LRRIQ1: variants seen among roughly 807,000 people sequenced by gnomAD.
The protein encoded by LRRIQ1 is leucine rich repeats and IQ motif containing 1, also known as leucine-rich repeat- and IQ domain-containing protein 1.
In LRRIQ1, 210 loss-of-function variants were observed where a neutral mutation model predicts 211.9. The ratio of observed to expected loss-of-function variants is 0.99; its 90% confidence interval spans 0.89 to 1.11. The LOEUF is 1.11. Among genes scored for constraint, LRRIQ1 ranks in the 50% most tolerant of loss-of-function variants. The pLI, the probability that LRRIQ1 is intolerant of heterozygous loss-of-function variation, is 0.00. For synonymous variants in LRRIQ1, 699 were observed against 650.1 expected, an observed-to-expected ratio of 1.08 and a Z score of -1.14; for missense variants, 2,136 against 1,939.5, an observed-to-expected ratio of 1.10 and a Z score of -1.90.
intron 24 of LRRIQ1, among the ~76,000 whole-genome samples, chr12:85,163,842 T>A (rs1371570823): frequency 6.6e-6 from 1 of 152,112 alleles, no homozygotes; most frequent in African/African-American, 2.4e-5. Flanking sequence ...TTTTTCTATA[T>A]TCATAAAATG....
chr12:85,125,247 A>T (rs1592843300), intron 17 of LRRIQ1, among the ~76,000 whole-genome samples: 1 of 152,132 alleles, frequency 6.6e-6, no homozygotes, highest in East Asian at 1.9e-4. Context: ...TTGCCCATTG[A>T]TTTAATAAAC....
In LRRIQ1 at chr12:85,210,467, T is replaced by C. The variant is rs553250642; in HGVS notation, c.4823-19050T>C. ...CTTGTTTTTCCATTTTTGTTTTCTC[T>C]TTTTAAACTAAAATGTAAATGTCTT... is the stretch of plus-strand genomic sequence containing the variant. On this transcript the variant is annotated intron_variant, in intron 24 of 26. Coordinates refer to ENST00000393217, the MANE Select transcript of LRRIQ1 (RefSeq NM_001079910.2). Among the ~76,000 whole-genome samples the C allele has an allele frequency of 4.6e-5, 7 of 152,374 alleles. No homozygotes were observed. In the East Asian group the frequency reaches 7.7e-4, roughly 17 times the overall value.
At chr12:85,121,953 T>C (rs1888019261) in intron 16 of LRRIQ1, 77 bp downstream of exon 16, 1 of 1,220,800 alleles carries the variant, frequency 8.2e-7, no homozygotes, top group Admixed American at 3.1e-5. Flanking sequence ...AGTATTCTGA[T>C]TAACACAATT....
the LRRIQ1 span, among the ~76,000 whole-genome samples, chr12:85,271,036 T>C: frequency 6.6e-6 from 1 of 152,200 alleles, no homozygotes; most frequent in African/African-American, 2.4e-5. Context: ...CGGAAGACAC[T>C]CGTGTTCTAA....
intron 5 of LRRIQ1, 99 bp downstream of exon 5, chr12:85,046,236 G>A: frequency 1.5e-6 from 1 of 659,954 alleles, no homozygotes; most frequent in Non-Finnish European, 2.6e-6. Flanking sequence ...CTGATATTTA[G>A]AAAAGCAATT....
chr12:85,104,121 C>T, intron 14 of LRRIQ1, 44 bp downstream of exon 14: 1 of 1,032,536 alleles, frequency 9.7e-7, no homozygotes, highest in Non-Finnish European at 1.3e-6. Flanking sequence ...AGACTTTTGA[C>T]TTTCTGTTTC....
At position 85,055,720 on chromosome 12, in the gene LRRIQ1, G is replaced by T; in HGVS notation, c.927G>T (p.Glu309Asp). Residue 309 changes from glutamate (E) to aspartate (D), a missense_variant, in exon 8 of 27, where the codon GAG (glutamate) becomes GAT (aspartate). Transcript: ENST00000393217. ...AYQKYGPIIK[E>D]QIESKKRKAQ... ...AAAAATATGGCCCAATTATTAAAGA[G>T]CAAATTGAAAGTAAGAAAAGGAAAG... 1 of 1,606,908 alleles carries T rather than the reference G, an allele frequency of 6.2e-7. No individual in the cohort carries two copies. The highest frequency in any genetic ancestry group is 1.7e-5 in the Admixed American group (1 of 58,868).
rs377687279 is a variant in LRRIQ1, at chr12:85,177,545, A to T, written c.4822+16831A>T. Among the ~76,000 whole-genome samples the T allele has an allele frequency of 5.3e-5, 8 of 152,220 alleles. No individual in the cohort carries two copies. The East Asian group carries it at 1.5e-3, about 29-fold the overall frequency. On this transcript the variant is annotated intron_variant, in intron 24 of 26. Coordinates refer to ENST00000393217, the MANE Select transcript of LRRIQ1 (RefSeq NM_001079910.2). ...GGCATGGTCCTATTGAAAGACTTTG[A>T]AGACTAGGTTAGCCTGGGCCATTCA... is the stretch of plus-strand genomic sequence containing the variant.
intron 24 of LRRIQ1, among the ~76,000 whole-genome samples, chr12:85,187,690 T>A (rs1892288674): frequency 6.6e-6 from 1 of 151,200 alleles, no homozygotes; most frequent in Non-Finnish European, 1.5e-5. Flanking sequence ...ATGCCTGTAA[T>A]CCCAGCTACC....
chr12:85,170,400 T>A (rs1450601485), intron 24 of LRRIQ1, among the ~76,000 whole-genome samples: 2 of 151,166 alleles, frequency 1.3e-5, no homozygotes. Context: ...AAACGTGTTC[T>A]TAACAAAATA....
chr12:85,141,466 A>G (rs1272881012), intron 19 of LRRIQ1, among the ~76,000 whole-genome samples: 2 of 151,190 alleles, frequency 1.3e-5, no homozygotes, highest in Non-Finnish European at 3.0e-5. Context: ...AGGCTAGTTG[A>G]ATTATTGTAT....
chr12:85,251,819 T>C (rs1895953563), intron 1 of LRRIQ1, among the ~76,000 whole-genome samples: 1 of 150,286 alleles, frequency 6.7e-6, no homozygotes, highest in East Asian at 1.9e-4. Context: ...AGATTCCTTC[T>C]AGCTTTCAAA....
intron 1 of LRRIQ1, among the ~76,000 whole-genome samples, chr12:85,251,120 T>C (rs75102353): frequency 0.018 from 2,641 of 148,306 alleles, 77 homozygotes; most frequent in African/African-American, 0.063. Context: ...GGACTCAATT[T>C]TCTTCTCTTT....
chr12:85,178,335 A>G (rs1891818028), intron 24 of LRRIQ1, among the ~76,000 whole-genome samples: 1 of 151,392 alleles, frequency 6.6e-6, no homozygotes, highest in Non-Finnish European at 1.5e-5. Context: ...ATATTATTCC[A>G]CCTCCTCCTC....
chr12:85,209,544 A>G (rs1410022757), intron 24 of LRRIQ1, among the ~76,000 whole-genome samples: 1 of 152,238 alleles, frequency 6.6e-6, no homozygotes, highest in African/African-American at 2.4e-5. Flanking sequence ...TTTATTTTAA[A>G]AAAATGCATT....
At chr12:85,217,235 C>CACATT (rs1311111639) in intron 24 of LRRIQ1, among the ~76,000 whole-genome samples, 2 of 150,710 alleles carry the variant, frequency 1.3e-5, no homozygotes, top group Non-Finnish European at 3.0e-5. Flanking sequence ...GTGCTATAAG[C>CACATT]ATTTCTGTTA....
exon 2 of LRRIQ1, chr12:85,263,021 A>C: frequency 1.0e-6 from 1 of 988,004 alleles, no homozygotes. Flanking sequence ...TCAGTGGTGG[A>C]TGGGGAAGTG....
chr12:85,153,498 A>C (rs1278862638), intron 21 of LRRIQ1, among the ~76,000 whole-genome samples, 165 bp from the exon 22 acceptor site: 1 of 151,566 alleles, frequency 6.6e-6, no homozygotes, highest in Admixed American at 6.6e-5. Flanking sequence ...ATTGAAATGT[A>C]AACATTTTAA....
At chr12:85,058,473 G>A (rs1881394366) in intron 8 of LRRIQ1, among the ~76,000 whole-genome samples, 1 of 151,934 alleles carries the variant, frequency 6.6e-6, no homozygotes, top group Non-Finnish European at 1.5e-5. Flanking sequence ...AGCTAGGCAA[G>A]AGTGATGGCT....
Sources: allele counts gnomAD v4.1 joint callset (sites outside exome capture counted in the v4.1 genomes callset), GRCh38; gene constraint gnomAD v4.1.1; transcripts MANE v1.5; gene names NCBI Gene and HGNC (gene_info 2026-07-23, HGNC 2026-07-21).